Variants in GPHN observed in about 807,000 individuals in gnomAD.
GPHN encodes the protein gephyrin.
GPHN carries 17 observed loss-of-function variants against 95.5 expected under a neutral mutation model. The ratio of observed to expected loss-of-function variants is 0.18; its 90% CI spans 0.12 to 0.27. The LOEUF (loss-of-function observed/expected upper bound fraction) is 0.27. Among genes scored for constraint, GPHN ranks in the 10% least tolerant of loss-of-function variants. GPHN has a pLI of 1.00. For missense variants in GPHN, 660 were observed against 978.1 expected (o/e 0.67, Z 4.34); for synonymous variants, 320 against 322.5 (o/e 0.99, Z 0.08).
intron 5 of GPHN, among the ~76,000 whole-genome samples, chr14:66,908,109 A>G (rs1490177848): frequency 6.6e-6 from 1 of 152,150 alleles, no homozygotes; most frequent in Non-Finnish European, 1.5e-5. Context: ...ATGACATATC[A>G]ATATGAAATG....
rs746020808 is a variant in GPHN at position 67,113,004 on chromosome 14, G to A, written c.1473-14G>A. 1 of 1,613,112 alleles carries A rather than the reference G, an allele frequency of 6.2e-7. No homozygotes were observed. Among genetic ancestry groups the A allele is most frequent in the Non-Finnish European group, 8.5e-7 (1 of 1,179,226 alleles). The stretch of plus-strand genomic sequence containing the variant: ...CTCTAATCACACTGCTTATGGTTCT[G>A]CTTTGACTTTCAGACCCATCGGCCA... On this transcript the variant is annotated splice_polypyrimidine_tract_variant and intron_variant, in intron 15 of 22. Coordinates refer to ENST00000478722, the MANE Select transcript of GPHN (RefSeq NM_020806.5).
chr14:67,620,739 G>A, the GPHN span, among the ~76,000 whole-genome samples: 1 of 152,158 alleles, frequency 6.6e-6, no homozygotes, highest in Non-Finnish European at 1.5e-5. Flanking sequence ...GGCAGCTGAT[G>A]TGATTCCAAC....
At chr14:67,552,193 C>T in the GPHN span, among the ~76,000 whole-genome samples, 12 of 152,302 alleles carry the variant, frequency 7.9e-5, no homozygotes, top group Admixed American at 7.8e-4. Flanking sequence ...AAACCTGACA[C>T]CTCCTTGGCT....
chr14:67,622,251 T>C, the GPHN span, among the ~76,000 whole-genome samples: 8 of 152,256 alleles, frequency 5.3e-5, no homozygotes, highest in African/African-American at 1.9e-4. Context: ...ACGGAGATTA[T>C]GGAGATAATA....
At chr14:66,769,915 G>A (rs534089584) in intron 2 of GPHN, among the ~76,000 whole-genome samples, 12 of 152,048 alleles carry the variant, frequency 7.9e-5, no homozygotes, top group South Asian at 2.1e-4. Flanking sequence ...GGTGCTTTCC[G>A]CAATGCTTGA....
At chr14:67,143,031 AG>A (rs34945470) in intron 17 of GPHN, 19,119 of 336,042 alleles carry the variant, frequency 0.057, 2,515 homozygotes, top group East Asian at 0.42. Flanking sequence ...ATCTGACTTT[AG>A]TACTAAAACA....
At chr14:66,754,026 T>G (rs1471968067) in intron 2 of GPHN, among the ~76,000 whole-genome samples, 3 of 152,222 alleles carry the variant, frequency 2.0e-5, no homozygotes, top group Non-Finnish European at 4.4e-5. Flanking sequence ...GCTTCTATAT[T>G]GAAGCATGTT....
intron 5 of GPHN, among the ~76,000 whole-genome samples, chr14:66,907,990 T>C (rs1470473240): frequency 6.6e-6 from 1 of 152,036 alleles, no homozygotes; most frequent in East Asian, 1.9e-4. Flanking sequence ...TTAACATAGA[T>C]ACAAATGGTT....
intron 16 of GPHN, among the ~76,000 whole-genome samples, 176 bp downstream of exon 16, chr14:67,113,347 T>C (rs1332610833): frequency 6.6e-6 from 1 of 152,208 alleles, no homozygotes; most frequent in Admixed American, 6.5e-5. Flanking sequence ...GTTCAGAATA[T>C]GAGAACAAAG....
At chr14:67,646,580 ATGATAATGATCT>A in the GPHN span, 6 of 1,354,150 alleles carry the variant, frequency 4.4e-6, no homozygotes, top group Non-Finnish European at 6.3e-6. Flanking sequence ...ACGGACGCAC[ATGATAATGATCT>A]TGGTGAGAAC....
intron 9 of GPHN, among the ~76,000 whole-genome samples, chr14:66,974,134 G>A (rs2070031703): frequency 1.3e-5 from 2 of 152,130 alleles, no homozygotes; most frequent in Non-Finnish European, 2.9e-5. Context: ...TGTTAGCGAA[G>A]CAGAATTTTG....
the GPHN span, among the ~76,000 whole-genome samples, chr14:67,196,213 TTC>T: frequency 8.7e-5 from 13 of 148,606 alleles, no homozygotes; most frequent in Non-Finnish European, 1.5e-5. Flanking sequence ...TTCTTTTCTT[TTC>T]TTTCTTTCTT....
the GPHN span, among the ~76,000 whole-genome samples, chr14:67,251,887 G>C: frequency 1.3e-5 from 2 of 152,208 alleles, no homozygotes; most frequent in African/African-American, 4.8e-5. Flanking sequence ...CAACCTCTGG[G>C]AAGGCAAAGA....
intron 10 of GPHN, among the ~76,000 whole-genome samples, chr14:67,055,834 T>TA (rs2075538369): frequency 6.6e-6 from 1 of 152,192 alleles, no homozygotes; most frequent in Admixed American, 6.5e-5. Context: ...TGTCCAGAAT[T>TA]TCTTCCTTCT....
At chr14:67,722,411 C>T in the GPHN span, 1 of 600,972 alleles carries the variant, frequency 1.7e-6, no homozygotes, top group East Asian at 2.8e-5. Context: ...TGACTCCATC[C>T]CCTCCCCACC....
intron 1 of GPHN, among the ~76,000 whole-genome samples, chr14:66,549,098 TATC>T (rs538366559): frequency 6.6e-5 from 10 of 152,298 alleles, no homozygotes; most frequent in South Asian, 4.1e-4. Context: ...AAATAAAAGT[TATC>T]ATATACTTCC....
the GPHN span, chr14:67,692,683 AAC>A: frequency 4.8e-6 from 7 of 1,458,648 alleles, no homozygotes; most frequent in Non-Finnish European, 6.4e-6. Context: ...TTTTTTAAAA[AAC>A]ACACATTTTT....
chr14:67,013,191 A>T (rs1045159272), intron 9 of GPHN, among the ~76,000 whole-genome samples: 1 of 151,990 alleles, frequency 6.6e-6, no homozygotes, highest in African/African-American at 2.4e-5. Flanking sequence ...TTGTTCAATA[A>T]TTGAATAGTA....
At chr14:66,971,119 G>A (rs2069735226) in intron 9 of GPHN, among the ~76,000 whole-genome samples, 1 of 152,156 alleles carries the variant, frequency 6.6e-6, no homozygotes, top group Non-Finnish European at 1.5e-5. Flanking sequence ...ATCTGAGGTA[G>A]GGAGTTCAAG....
Sources: allele counts gnomAD v4.1 joint callset (sites outside exome capture counted in the v4.1 genomes callset), GRCh38; gene constraint gnomAD v4.1.1; transcripts MANE v1.5; gene names NCBI Gene and HGNC (gene_info 2026-07-23, HGNC 2026-07-21).